TEX11: variants seen among roughly 807,000 people sequenced by gnomAD.
TEX11 encodes the protein testis-expressed protein 11.
TEX11 carries 7 observed loss-of-function variants against 84.4 expected under a neutral mutation model. The observed-to-expected ratio is 0.08, with a 90% confidence interval of 0.05 to 0.16. The LOEUF (loss-of-function observed/expected upper bound fraction) is 0.16, where lower values mean the gene tolerates loss of function less well. TEX11 is among the 10% of genes least tolerant of loss of function. The pLI is 1.00. For missense variants in TEX11, 551 were observed against 660.5 expected (o/e 0.83, Z 1.82); for synonymous variants, 264 against 222.8 (o/e 1.18, Z -1.64).
chrX:70,658,343 G>A (rs1370230467), intron 16 of TEX11, among the ~76,000 whole-genome samples: 1 of 111,213 alleles, frequency 9.0e-6, no homozygotes, highest in Non-Finnish European at 1.9e-5. Flanking sequence ...CTTGAACCTG[G>A]GAGGCGGAGG....
chrX:70,556,228 T>C (rs776921286), intron 25 of TEX11, among the ~76,000 whole-genome samples: 59 of 111,027 alleles, frequency 5.3e-4, no homozygotes, highest in Non-Finnish European at 1.0e-3. Context: ...AGACCTTTCT[T>C]TTTTTTTCTA....
intron 2 of TEX11, among the ~76,000 whole-genome samples, chrX:70,893,054 G>A (rs962527737): frequency 2.7e-5 from 3 of 111,343 alleles, no homozygotes; most frequent in Non-Finnish European, 5.7e-5. Flanking sequence ...CATAAAGGAA[G>A]TTGTTAGAGA....
At chrX:70,546,336 G>A (rs2088124614) in intron 28 of TEX11, among the ~76,000 whole-genome samples, 1 of 111,491 alleles carries the variant, frequency 9.0e-6, no homozygotes, top group Non-Finnish European at 1.9e-5. Flanking sequence ...ACGTGGGTTG[G>A]GCAAAGATTT....
At chrX:70,753,916 T>C (rs752459644) in intron 9 of TEX11, among the ~76,000 whole-genome samples, 2 of 111,157 alleles carry the variant, frequency 1.8e-5, no homozygotes, top group Non-Finnish European at 3.8e-5. Flanking sequence ...CAAAGAGCCC[T>C]TGGGCCCTGA....
chrX:70,745,094 C>T (rs1488715360), intron 9 of TEX11, among the ~76,000 whole-genome samples: 2 of 110,189 alleles, frequency 1.8e-5, no homozygotes, highest in African/African-American at 6.6e-5. Flanking sequence ...TCACACCACC[C>T]TTCTGAAGCA....
chrX:70,530,971 G>C (rs1166182812), intron 28 of TEX11, among the ~76,000 whole-genome samples: 1 of 110,593 alleles, frequency 9.0e-6, no homozygotes. Flanking sequence ...GTCAGAGGCG[G>C]TCTAGTCTCT....
intron 9 of TEX11, among the ~76,000 whole-genome samples, chrX:70,747,762 T>A (rs1020479682): frequency 2.7e-5 from 3 of 111,342 alleles, no homozygotes; most frequent in Non-Finnish European, 5.7e-5. Context: ...TATTATTTTT[T>A]TATATATTTT....
At position 70,577,250 on chromosome X, in the gene TEX11, T is replaced by A. The variant is rs537186356; in HGVS notation, c.2140+14501A>T. On this transcript the variant is annotated intron_variant, in intron 25 of 29. Transcript: ENST00000374333. ...ACAGTTTATACACAAAGATACTACATGAAAATGGGATGGAAGAAACAGAAA... is the reference window on the plus strand; with the variant it reads ...ACAGTTTATACACAAAGATACTACAAGAAAATGGGATGGAAGAAACAGAAA... Among the ~76,000 whole-genome samples, 9 of 109,985 alleles carry A rather than the reference T, an allele frequency of 8.2e-5. No homozygotes were observed. In the South Asian group the frequency reaches 2.3e-3, roughly 28 times the overall value.
chrX:70,712,321 G>C (rs1053703722), intron 13 of TEX11, among the ~76,000 whole-genome samples: 3 of 111,544 alleles, frequency 2.7e-5, no homozygotes, highest in Admixed American at 9.5e-5. Context: ...TTCCAATTCT[G>C]TGAAGAAAGT....
chrX:70,893,544 C>T (rs1258005013), intron 2 of TEX11, among the ~76,000 whole-genome samples: 2 of 111,387 alleles, frequency 1.8e-5, no homozygotes, highest in African/African-American at 6.5e-5. Context: ...GACAACATAC[C>T]AGGGTTGTTG....
chrX:70,735,013 T>C (rs1046320456), intron 11 of TEX11, among the ~76,000 whole-genome samples: 1 of 112,172 alleles, frequency 8.9e-6, no homozygotes, highest in Non-Finnish European at 1.9e-5. Context: ...GGCACGCAGA[T>C]TGGAAAGCAA....
intron 7 of TEX11, among the ~76,000 whole-genome samples, chrX:70,840,242 A>G (rs2091434125): frequency 8.9e-6 from 1 of 111,831 alleles, no homozygotes. Flanking sequence ...AGGTCGGGTT[A>G]CCCACAAAGG....
At chrX:70,559,316 G>C in intron 25 of TEX11, among the ~76,000 whole-genome samples, 1 of 112,243 alleles carries the variant, frequency 8.9e-6, no homozygotes, top group Non-Finnish European at 1.9e-5. Flanking sequence ...AGTCACAAAA[G>C]TCCATGTATT....
At chrX:70,592,484 A>T (rs1328553542) in intron 24 of TEX11, among the ~76,000 whole-genome samples, 1 of 110,653 alleles carries the variant, frequency 9.0e-6, no homozygotes, top group Non-Finnish European at 1.9e-5. Flanking sequence ...GAGGCCTAGA[A>T]CTCTCTTTCT....
At chrX:70,635,918 C>A (rs1448776584) in intron 17 of TEX11, among the ~76,000 whole-genome samples, 1 of 111,513 alleles carries the variant, frequency 9.0e-6, no homozygotes, top group Non-Finnish European at 1.9e-5. Flanking sequence ...CTCATGAACA[C>A]AGCCTTCACA....
At chrX:70,616,010 T>C (rs1011650997) in intron 20 of TEX11, among the ~76,000 whole-genome samples, 11 of 111,490 alleles carry the variant, frequency 9.9e-5, no homozygotes, top group Non-Finnish European at 1.9e-4. Flanking sequence ...ACACCAGACC[T>C]GTCCTAAAAG....
intron 9 of TEX11, among the ~76,000 whole-genome samples, chrX:70,761,396 G>A (rs1210825827): frequency 8.9e-6 from 1 of 112,062 alleles, no homozygotes; most frequent in Non-Finnish European, 1.9e-5. Flanking sequence ...TTAAGAAAAT[G>A]TGGCACATAT....
chrX:70,536,959 T>C (rs1169133310), intron 28 of TEX11, among the ~76,000 whole-genome samples: 2 of 112,172 alleles, frequency 1.8e-5, no homozygotes, highest in Non-Finnish European at 3.8e-5. Flanking sequence ...TTGAGACTTA[T>C]GCATTCTTGA....
chrX:70,790,831 C>A (rs1238099148), intron 9 of TEX11, among the ~76,000 whole-genome samples: 1 of 112,172 alleles, frequency 8.9e-6, no homozygotes, highest in East Asian at 2.8e-4. Context: ...CTATGAGGGG[C>A]CAGAGTACAA....
Sources: allele counts gnomAD v4.1 joint callset (sites outside exome capture counted in the v4.1 genomes callset), GRCh38; gene constraint gnomAD v4.1.1; transcripts MANE v1.5; gene names NCBI Gene and HGNC (gene_info 2026-07-23, HGNC 2026-07-21).